LMBRD1: variants seen among roughly 807,000 people sequenced by gnomAD.
LMBRD1 encodes LMBR1 domain containing 1.
A neutral mutation model predicts 74.8 loss-of-function variants in LMBRD1; 64 were observed. The observed-to-expected ratio is 0.86, with a 90% CI of 0.70 to 1.05. The LOEUF is 1.05. LMBRD1 is among the 50% of genes least tolerant of loss of function. LMBRD1 has a pLI of 0.00. For missense variants in LMBRD1, 652 were observed against 645.9 expected, an observed-to-expected ratio of 1.01 and a Z score of -0.10; for synonymous variants, 204 against 216.3, an observed-to-expected ratio of 0.94 and a Z score of 0.50.
chr6:69,697,836 T>C (rs1766039247), intron 13 of LMBRD1, among the ~76,000 whole-genome samples, 195 bp from the exon 14 acceptor site: 1 of 152,112 alleles, frequency 6.6e-6, no homozygotes, highest in Non-Finnish European at 1.5e-5. Context: ...CTTTTTGCAA[T>C]AATCCTTTAG....
chr6:69,721,862 A>G lies in LMBRD1; in HGVS notation c.637-2781T>C, dbSNP rs187092090. On this transcript the variant is annotated intron_variant, in intron 7 of 15. Transcript: ENST00000649934. ...CAGGCTGAGTCTCAGGCCTGGCAGC[A>G]TTCACCACAAGCTGTCAGAAGAGCC... is the stretch of plus-strand genomic sequence containing the variant. Among the ~76,000 whole-genome samples, 241 of 152,270 alleles carry G rather than the reference A, an allele frequency of 1.6e-3. 1 individual carries two copies. Among genetic ancestry groups the G allele is most frequent in the Non-Finnish European group, 2.6e-3 (177 of 68,010 alleles).
Position 69,739,723 on chromosome 6 carries a change from T to C in LMBRD1, c.563-1708A>G, listed in dbSNP as rs1161437133. ...AAAAATTGCTGGAGTGATGGATGTG[T>C]TCTACACCTTGACTGCAATCAGTTA... On this transcript the variant is annotated intron_variant, in intron 6 of 15. Transcript: ENST00000649934. 2.6e-5 allele frequency among the ~76,000 whole-genome samples: 4 copies of C among 152,160 alleles called. No homozygotes were observed. The East Asian group carries it at 7.7e-4, about 29-fold the overall frequency.
intron 14 of LMBRD1, among the ~76,000 whole-genome samples, chr6:69,680,642 T>A (rs1039664281): frequency 1.3e-5 from 2 of 152,136 alleles, no homozygotes; most frequent in African/African-American, 4.8e-5. Flanking sequence ...TAAAAATGTA[T>A]CATCATTCTG....
chr6:69,738,799 T>TTA (rs768112685), intron 6 of LMBRD1, among the ~76,000 whole-genome samples: 1 of 152,146 alleles, frequency 6.6e-6, no homozygotes, highest in Non-Finnish European at 1.5e-5. Flanking sequence ...ACAGGTCCTA[T>TTA]TAGGCCTGTA....
rs148855537 is a variant in LMBRD1 at position 69,720,506 on chromosome 6, G to A, written c.637-1425C>T. On this transcript the variant is annotated intron_variant, in intron 7 of 15. Transcript: ENST00000649934. ...AGTATCCCTCATCTTAAATGGCTGG[G>A]ACTAGAAGTGTTTTGGATTTCAGAA... Among the ~76,000 whole-genome samples the A allele has an allele frequency of 3.3e-5, 5 of 152,280 alleles. No homozygotes were observed. The East Asian group carries it at 9.6e-4, about 29-fold the overall frequency.
intron 3 of LMBRD1, among the ~76,000 whole-genome samples, chr6:69,778,133 T>C (rs1765744775): frequency 6.6e-6 from 1 of 152,238 alleles, no homozygotes; most frequent in African/African-American, 2.4e-5. Context: ...TTTGATTCCA[T>C]GGTCATAAAA....
intron 9 of LMBRD1, among the ~76,000 whole-genome samples, chr6:69,702,724 G>A (rs1014155149): frequency 9.9e-5 from 15 of 152,130 alleles, no homozygotes; most frequent in African/African-American, 3.6e-4. Context: ...GGGACAACTG[G>A]GCTAAAGAGT....
At chr6:69,775,909 A>G (rs1411764785) in intron 3 of LMBRD1, among the ~76,000 whole-genome samples, 1 of 152,220 alleles carries the variant, frequency 6.6e-6, no homozygotes, top group Non-Finnish European at 1.5e-5. Flanking sequence ...TATCACTCCA[A>G]AGGAAATAAG....
intron 14 of LMBRD1, among the ~76,000 whole-genome samples, chr6:69,677,923 C>T (rs1765580550): frequency 6.6e-6 from 1 of 151,974 alleles, no homozygotes; most frequent in Non-Finnish European, 1.5e-5. Context: ...TGTACAAATA[C>T]ATTATTTCCA....
intron 8 of LMBRD1, among the ~76,000 whole-genome samples, chr6:69,714,806 C>T (rs1766455861): frequency 6.6e-6 from 1 of 152,120 alleles, no homozygotes; most frequent in Non-Finnish European, 1.5e-5. Context: ...ATCGGCATCA[C>T]TATGATCTTC....
chr6:69,681,014 T>C (rs1765648987), intron 14 of LMBRD1, among the ~76,000 whole-genome samples: 1 of 152,118 alleles, frequency 6.6e-6, no homozygotes, highest in Non-Finnish European at 1.5e-5. Context: ...ATATTTCATT[T>C]AGGAATTGTG....
intron 3 of LMBRD1, among the ~76,000 whole-genome samples, chr6:69,777,401 C>T (rs553642985): frequency 1.4e-5 from 2 of 145,508 alleles, no homozygotes; most frequent in South Asian, 2.2e-4. Flanking sequence ...TGCAGTGAGC[C>T]GAGACTGCAC....
intron 14 of LMBRD1, among the ~76,000 whole-genome samples, chr6:69,687,357 A>G (rs1765787239): frequency 6.6e-6 from 1 of 152,148 alleles, no homozygotes; most frequent in Non-Finnish European, 1.5e-5. Flanking sequence ...AATACTTGTC[A>G]CCTGACATAT....
intron 9 of LMBRD1, chr6:69,705,953 T>A: frequency 8.9e-7 from 1 of 1,127,010 alleles, no homozygotes; most frequent in Non-Finnish European, 1.3e-6. Context: ...TTAATTGGAC[T>A]GCCTTTGTAA....
At chr6:69,695,437 C>A (rs1765974395) in intron 14 of LMBRD1, among the ~76,000 whole-genome samples, 1 of 152,088 alleles carries the variant, frequency 6.6e-6, no homozygotes, top group Non-Finnish European at 1.5e-5. Flanking sequence ...GAGTTTCTCA[C>A]ATATACAGGA....
intron 14 of LMBRD1, among the ~76,000 whole-genome samples, chr6:69,693,928 C>A (rs1235454709): frequency 6.6e-6 from 1 of 151,936 alleles, no homozygotes; most frequent in African/African-American, 2.4e-5. Context: ...TAGAACAAAA[C>A]AAAGTTGGGA....
At chr6:69,720,872 C>T (rs763432856) in intron 7 of LMBRD1, among the ~76,000 whole-genome samples, 9 of 152,170 alleles carry the variant, frequency 5.9e-5, no homozygotes, top group Non-Finnish European at 7.4e-5. Context: ...GCCACCCCTC[C>T]GCCATCCCCC....
intron 9 of LMBRD1, among the ~76,000 whole-genome samples, chr6:69,710,975 A>G (rs935933430): frequency 2.6e-5 from 4 of 151,328 alleles, no homozygotes; most frequent in African/African-American, 7.3e-5. Flanking sequence ...AATGAATGAA[A>G]GCACATCTAC....
intron 3 of LMBRD1, 136 bp from the exon 4 acceptor site, chr6:69,752,492 A>T: frequency 1.5e-6 from 1 of 679,886 alleles, no homozygotes; most frequent in Non-Finnish European, 2.5e-6. Flanking sequence ...CTCTTTCTAT[A>T]TAGTACATGA....
Sources: gnomAD v4.1 joint callset for allele counts (sites outside exome capture counted in the v4.1 genomes callset) on GRCh38, gnomAD v4.1.1 for gene constraint, MANE v1.5 for transcripts, NCBI Gene and HGNC (gene_info 2026-07-23, HGNC 2026-07-21) for gene names.